Variants in DNAH14 observed in about 807,000 individuals in gnomAD.
The protein encoded by DNAH14 is axonemal beta dynein heavy chain 14.
In DNAH14, 478 loss-of-function variants were observed where a neutral mutation model predicts 520.9. The observed-to-expected ratio is 0.92, with a 90% CI of 0.85 to 0.99. The LOEUF (loss-of-function observed/expected upper bound fraction) is 0.99. Among genes scored for constraint, DNAH14 ranks in the 50% least tolerant of loss-of-function variants. DNAH14 has a pLI of 0.00. For missense variants in DNAH14, 4,831 were observed against 5,234.5 expected, an observed-to-expected ratio of 0.92 and a Z score of 2.38; for synonymous variants, 1,581 against 1,757.2, an observed-to-expected ratio of 0.90 and a Z score of 2.51.
chr1:224,965,547 A>G (rs369843745), intron 5 of DNAH14, among the ~76,000 whole-genome samples: 1 of 152,060 alleles, frequency 6.6e-6, no homozygotes, highest in African/African-American at 2.4e-5. Flanking sequence ...ACCGTGTTCC[A>G]ATAAAACTTT....
intron 41 of DNAH14, among the ~76,000 whole-genome samples, chr1:225,211,980 A>T (rs559232799): frequency 6.6e-6 from 1 of 151,866 alleles, no homozygotes; most frequent in East Asian, 1.9e-4. Context: ...GTATGTATAC[A>T]TGTGCCTTGT....
chr1:225,300,770 C>G, intron 55 of DNAH14, 99 bp from the exon 56 acceptor site: 1 of 1,261,050 alleles, frequency 7.9e-7, no homozygotes, highest in Non-Finnish European at 1.1e-6. Context: ...CTCAGTTCTC[C>G]TTAATCACTG....
At position 225,105,780 on chromosome 1, in the gene DNAH14, C is replaced by T. The variant is rs2075991963; in HGVS notation, c.3867+4896C>T. ...CCCTTTATTTTGAGCCTATGTGTGTCTCTGCACGTGAGATGGGTTTCCTGA... is the reference window on the plus strand; with the variant it reads ...CCCTTTATTTTGAGCCTATGTGTGTTTCTGCACGTGAGATGGGTTTCCTGA... On this transcript the variant is annotated intron_variant, in intron 23 of 85. Coordinates refer to ENST00000682510, the MANE Select transcript of DNAH14 (RefSeq NM_001367479.1). Among the ~76,000 whole-genome samples the T allele has an allele frequency of 2.6e-5, 4 of 152,136 alleles. No homozygotes were observed. In the South Asian group the frequency reaches 8.3e-4, roughly 32 times the overall value.
chr1:225,321,903 T>A (rs2094561010), intron 61 of DNAH14, among the ~76,000 whole-genome samples: 1 of 152,088 alleles, frequency 6.6e-6, no homozygotes, highest in Admixed American at 6.6e-5. Context: ...AGAGCATGTG[T>A]TTAAGGGGAG....
At chr1:225,144,913 G>A (rs1476775844) in intron 29 of DNAH14, among the ~76,000 whole-genome samples, 1 of 150,972 alleles carries the variant, frequency 6.6e-6, no homozygotes, top group Non-Finnish European at 1.5e-5. Flanking sequence ...GTGTGTGTTT[G>A]TGTGTGTATG....
chr1:225,276,983 A>AAGGAAGGG (rs1491398990), intron 53 of DNAH14, among the ~76,000 whole-genome samples: 2 of 35,572 alleles, frequency 5.6e-5, no homozygotes, highest in Non-Finnish European at 9.7e-5. Context: ...GGAAGGAAGG[A>AAGGAAGGG]AGGGAGGGAG....
At chr1:225,205,486 T>C (rs754740632) in intron 39 of DNAH14, among the ~76,000 whole-genome samples, 1 of 152,208 alleles carries the variant, frequency 6.6e-6, no homozygotes, top group African/African-American at 2.4e-5. Flanking sequence ...GTCTAAGGCT[T>C]TTTGTTACAG....
chr1:224,979,740 TGAG>T (rs1244957102), intron 8 of DNAH14, among the ~76,000 whole-genome samples: 2 of 152,080 alleles, frequency 1.3e-5, no homozygotes, highest in Middle Eastern at 3.2e-3. Context: ...TTCCTTCTGT[TGAG>T]GAGAGGAGAG....
intron 69 of DNAH14, among the ~76,000 whole-genome samples, chr1:225,344,843 T>C (rs2095262633): frequency 6.6e-6 from 1 of 152,110 alleles, no homozygotes; most frequent in Non-Finnish European, 1.5e-5. Flanking sequence ...GCCTCCCAAG[T>C]AGCTGGGACT....
chr1:225,152,097 G>A, intron 32 of DNAH14, 24 bp downstream of exon 32: 3 of 1,520,460 alleles, frequency 2.0e-6, no homozygotes, highest in Admixed American at 2.3e-5. Context: ...AATCTAGTGG[G>A]AATAGACACA....
chr1:225,212,497 A>G (rs1311237146), intron 41 of DNAH14, among the ~76,000 whole-genome samples: 1 of 152,080 alleles, frequency 6.6e-6, no homozygotes, highest in South Asian at 2.1e-4. Context: ...TTCCACAATG[A>G]TTGAACTAGT....
chr1:225,292,875 A>G (rs905149406), intron 55 of DNAH14, among the ~76,000 whole-genome samples: 5 of 151,922 alleles, frequency 3.3e-5, no homozygotes, highest in Non-Finnish European at 7.4e-5. Context: ...TCTAAATGGG[A>G]TTGCCTTTTT....
rs1553258510 is a variant in DNAH14, at chr1:225,232,280, T to TATACACACAC, written c.6518+1130_6518+1131insTACACACACA. Among the ~76,000 whole-genome samples the TATACACACAC allele has an allele frequency of 1.8e-3, 272 of 149,592 alleles. No homozygotes were observed. Among genetic ancestry groups the TATACACACAC allele is most frequent in the South Asian group, 8.1e-3 (38 of 4,708 alleles). The stretch of plus-strand genomic sequence containing the variant: ...ATATATAAACTGTGATATATATATA[T>TATACACACAC]ACACACACACACACACACACGTGTA... On this transcript the variant is annotated intron_variant, in intron 42 of 85. Transcript: ENST00000682510. The surrounding 1 kb of genome is among the most constrained non-coding windows in gnomAD (Gnocchi z 4.2).
intron 15 of DNAH14, among the ~76,000 whole-genome samples, chr1:225,049,829 G>A (rs2068371298): frequency 6.6e-6 from 1 of 151,228 alleles, no homozygotes; most frequent in Non-Finnish European, 1.5e-5. Flanking sequence ...ATCTATGCCT[G>A]TGGACATCCA....
chr1:225,314,925 T>C (rs1206116876), intron 60 of DNAH14, among the ~76,000 whole-genome samples: 1 of 152,180 alleles, frequency 6.6e-6, no homozygotes, highest in Non-Finnish European at 1.5e-5. Context: ...TTAGGGTTGC[T>C]CTTCTCGAGG....
At chr1:225,052,638 C>T (rs1287688709) in intron 17 of DNAH14, among the ~76,000 whole-genome samples, 2 of 152,058 alleles carry the variant, frequency 1.3e-5, no homozygotes, top group African/African-American at 2.4e-5. Context: ...CCTAACATAA[C>T]CCAGGTGAAC....
chr1:225,391,953 C>T (rs1245207656), intron 83 of DNAH14, among the ~76,000 whole-genome samples: 3 of 152,002 alleles, frequency 2.0e-5, no homozygotes, highest in Admixed American at 1.3e-4. Context: ...TCTTTGTTGC[C>T]GAGAGGATGA....
chr1:225,176,421 G>T (rs1211455717), intron 36 of DNAH14, among the ~76,000 whole-genome samples: 1 of 152,102 alleles, frequency 6.6e-6, no homozygotes, highest in Non-Finnish European at 1.5e-5. Context: ...TAATGTCTAT[G>T]TTATATCTGT....
chr1:225,335,951 A>C (rs2095026193), intron 66 of DNAH14, among the ~76,000 whole-genome samples: 2 of 146,078 alleles, frequency 1.4e-5, no homozygotes, highest in African/African-American at 2.5e-5. Flanking sequence ...ATATATGTAT[A>C]TATACACATA....
Sources: allele counts gnomAD v4.1 joint callset (sites outside exome capture counted in the v4.1 genomes callset), GRCh38; gene constraint gnomAD v4.1.1; non-coding constraint Gnocchi (gnomAD v3.1); transcripts MANE v1.5; gene names NCBI Gene and HGNC (gene_info 2026-07-23, HGNC 2026-07-21).